The following CHL1 variants were observed in gnomAD, a reference collection of about 807,000 sequenced individuals.
The protein encoded by CHL1 is cell adhesion molecule L1 like.
Under a neutral mutation model 141.9 loss-of-function variants are expected in CHL1, and 96 were observed. The observed-to-expected ratio is 0.68, with a 90% CI of 0.57 to 0.80. The LOEUF (loss-of-function observed/expected upper bound fraction) is 0.80. CHL1 is among the 30% of genes least tolerant of loss of function. CHL1 has a pLI of 0.00. For synonymous variants in CHL1, 613 were observed against 502.2 expected, an observed-to-expected ratio of 1.22 and a Z score of -2.95; for missense variants, 1,820 against 1,457.2, an observed-to-expected ratio of 1.25 and a Z score of -4.05.
At position 256,643 on chromosome 3, in the gene CHL1, C is replaced by A. The variant is rs188705346; in HGVS notation, c.-95+11951C>A. Among the ~76,000 whole-genome samples the A allele has an allele frequency of 4.1e-4, 62 of 152,278 alleles. 1 individual carries two copies. The highest frequency in any genetic ancestry group is 4.0e-3 in the Admixed American group (61 of 15,278). On this transcript the variant is annotated intron_variant, in intron 2 of 27. Coordinates refer to ENST00000256509, the MANE Select transcript of CHL1 (RefSeq NM_006614.4). ...ATGCCCAAAAAGAATTATCTTGCCC[C>A]AAATGGAATCATGCTGAGGTTGAGA... is the stretch of plus-strand genomic sequence containing the variant.
chr3:397,811 C>T (rs879699223), intron 24 of CHL1, among the ~76,000 whole-genome samples: 3 of 151,658 alleles, frequency 2.0e-5, no homozygotes, highest in East Asian at 3.9e-4. Flanking sequence ...ATGGAGAAGA[C>T]CAAAGCAAAA....
chr3:342,448 A>G (rs1368322561), intron 7 of CHL1, among the ~76,000 whole-genome samples: 5 of 152,156 alleles, frequency 3.3e-5, no homozygotes, highest in Non-Finnish European at 7.4e-5. Context: ...GGAGAAAACA[A>G]CAGAGGCAAA....
chr3:293,119 A>C (rs1697851701), intron 2 of CHL1, among the ~76,000 whole-genome samples: 1 of 152,262 alleles, frequency 6.6e-6, no homozygotes, highest in South Asian at 2.1e-4. Flanking sequence ...ACAGTGCTTC[A>C]GGTTAGTTTA....
chr3:242,389 G>T (rs9856168), intron 1 of CHL1, among the ~76,000 whole-genome samples: 33,917 of 140,082 alleles, frequency 0.24, 4,291 homozygotes, highest in South Asian at 0.33. Flanking sequence ...GAGGTCAGGA[G>T]ATCGAGACCA....
intron 19 of CHL1, among the ~76,000 whole-genome samples, chr3:388,550 G>GAAAAAA (rs11319131): frequency 2.2e-5 from 3 of 138,604 alleles, no homozygotes; most frequent in African/African-American, 8.7e-5. Flanking sequence ...TCCGTCTCAA[G>GAAAAAA]AAAAAAAAAA....
At chr3:302,071 C>A (rs1343862947) in intron 2 of CHL1, among the ~76,000 whole-genome samples, 4 of 152,180 alleles carry the variant, frequency 2.6e-5, no homozygotes, top group African/African-American at 9.7e-5. Context: ...CTGCAAAGGA[C>A]AAGAACTCAT....
chr3:394,788 A>G lies in CHL1; in HGVS notation c.3010A>G (p.Lys1004Glu). 1.2e-6 allele frequency: 2 copies of G among 1,614,104 alleles called. No individual in the cohort carries two copies. The highest frequency in any genetic ancestry group is 1.7e-6 in the Non-Finnish European group (2 of 1,179,954). ...CCTCTCAAACCTGAATGCAACTACC[A>G]AGTACAAATTCTACTTGAGGGCTTG... ...WHLSNLNATT[K>E]YKFYLRACTS... The change falls in exon 24 of 28, where the codon AAG (lysine) becomes GAG (glutamate). Residue 1004 changes from lysine to glutamate, a missense_variant. Coordinates refer to ENST00000256509, the MANE Select transcript of CHL1 (RefSeq NM_006614.4).
intron 2 of CHL1, among the ~76,000 whole-genome samples, chr3:315,425 G>T (rs1700086905): frequency 6.6e-6 from 1 of 152,110 alleles, no homozygotes; most frequent in African/African-American, 2.4e-5. Flanking sequence ...AATGGACAAA[G>T]ACTTAGCCAT....
chr3:239,658 C>T (rs543191091), intron 1 of CHL1, among the ~76,000 whole-genome samples: 4 of 150,660 alleles, frequency 2.7e-5, no homozygotes, highest in Admixed American at 6.7e-5. Context: ...TATTTGGTTG[C>T]GTAAGTTCTT....
intron 10 of CHL1, among the ~76,000 whole-genome samples, chr3:350,639 C>T (rs929838456): frequency 3.3e-5 from 5 of 151,076 alleles, no homozygotes; most frequent in African/African-American, 1.2e-4. Flanking sequence ...CACAAATTCT[C>T]CTCCCAAGTA....
intron 3 of CHL1, among the ~76,000 whole-genome samples, chr3:324,052 AG>A (rs1185196675): frequency 6.6e-6 from 1 of 152,134 alleles, no homozygotes; most frequent in Non-Finnish European, 1.5e-5. Context: ...TTCCTGTTAT[AG>A]TAAATATTGT....
At chr3:301,787 C>T (rs1412779009) in intron 2 of CHL1, among the ~76,000 whole-genome samples, 2 of 152,114 alleles carry the variant, frequency 1.3e-5, no homozygotes, top group East Asian at 1.9e-4. Flanking sequence ...TTCTGGGTTA[C>T]ATGTACAGAA....
chr3:248,914 A>T (rs1406568064), intron 2 of CHL1, among the ~76,000 whole-genome samples: 1 of 152,214 alleles, frequency 6.6e-6, no homozygotes, highest in South Asian at 2.1e-4. Flanking sequence ...CAGACTGCAC[A>T]TATAAAATGT....
chr3:306,129 G>T (rs1480746138), intron 2 of CHL1, among the ~76,000 whole-genome samples: 1 of 152,112 alleles, frequency 6.6e-6, no homozygotes, highest in African/African-American at 2.4e-5. Flanking sequence ...AGGGTTTAGG[G>T]ATCTAGGTCA....
rs566062706 is a variant in CHL1, at chr3:296,507, C to G, written c.-94-23176C>G. On this transcript the variant is annotated intron_variant, in intron 2 of 27. Coordinates refer to ENST00000256509, the MANE Select transcript of CHL1 (RefSeq NM_006614.4). ...CTCTTCATGAATTTAGAACCACGGT[C>G]GTCGGCACTTTCTAACTCATGCTTT... Among the ~76,000 whole-genome samples, 115 of 152,086 alleles carry G rather than the reference C, an allele frequency of 7.6e-4. 1 individual carries two copies. Among genetic ancestry groups the G allele is most frequent in the Admixed American group, 1.5e-3 (23 of 15,262 alleles).
At chr3:298,665 T>G (rs961833989) in intron 2 of CHL1, among the ~76,000 whole-genome samples, 3 of 152,152 alleles carry the variant, frequency 2.0e-5, no homozygotes, top group Non-Finnish European at 4.4e-5. Flanking sequence ...GAGTCAAATC[T>G]CATGTTTAAT....
chr3:398,253 G>T lies in CHL1; in HGVS notation c.3121G>T (p.Val1041Leu). 5 of 1,605,026 alleles carry T rather than the reference G, an allele frequency of 3.1e-6. No homozygotes were observed. The highest frequency in any genetic ancestry group is 1.7e-4 in the Middle Eastern group (1 of 6,048). Residue 1041 changes from valine (V) to leucine (L), a missense_variant, in exon 25 of 28, where the codon GTA (valine) becomes TTA (leucine). Coordinates refer to ENST00000256509, the MANE Select transcript of CHL1 (RefSeq NM_006614.4). Reference protein sequence around the residue: ...GSKGIGKISGVNLTQKTHPIE... With the variant: ...GSKGIGKISGLNLTQKTHPIE... ...TAAAGGTATCGGGAAGATATCAGGA[G>T]TAAATCTTACTCAAAAGACTCACCC...
At chr3:338,826 T>G (rs115204845) in intron 5 of CHL1, among the ~76,000 whole-genome samples, 9 of 152,338 alleles carry the variant, frequency 5.9e-5, no homozygotes, top group Admixed American at 2.6e-4. Flanking sequence ...AGAATTAGAA[T>G]TGTATAATCT....
chr3:261,458 C>A (rs570550611), intron 2 of CHL1, among the ~76,000 whole-genome samples: 29 of 152,198 alleles, frequency 1.9e-4, no homozygotes, highest in African/African-American at 6.5e-4. Flanking sequence ...AGGCCAGTTG[C>A]TACTTAAAAG....
Sources: gnomAD v4.1 joint callset for allele counts (sites outside exome capture counted in the v4.1 genomes callset) on GRCh38, gnomAD v4.1.1 for gene constraint, MANE v1.5 for transcripts, NCBI Gene and HGNC (gene_info 2026-07-23, HGNC 2026-07-21) for gene names.